PEX14: variants seen among roughly 807,000 people sequenced by gnomAD.
PEX14 encodes peroxisomal membrane protein PEX14.
A neutral mutation model predicts 49.5 loss-of-function variants in PEX14; 15 were observed. The ratio of observed to expected loss-of-function variants is 0.30; its 90% confidence interval spans 0.20 to 0.47. The LOEUF (loss-of-function observed/expected upper bound fraction) is 0.47. PEX14 is among the 20% of genes least tolerant of loss of function. PEX14 has a pLI of 1.00. For missense variants in PEX14, 398 were observed against 494.8 expected (o/e 0.80, Z 1.86); for synonymous variants, 210 against 212.7 (o/e 0.99, Z 0.11).
chr1:10,547,171 C>T (rs2480774), intron 3 of PEX14, among the ~76,000 whole-genome samples: 147,012 of 152,278 alleles, frequency 0.97, 71,176 homozygotes, highest in East Asian at 1. Context: ...CGACAGGACA[C>T]TGGAATGTGG....
intron 5 of PEX14, among the ~76,000 whole-genome samples, chr1:10,620,405 T>A (rs1018051176): frequency 6.6e-6 from 1 of 152,072 alleles, no homozygotes; most frequent in Non-Finnish European, 1.5e-5. Context: ...GGAGGATCAC[T>A]TGGGCTCGGG....
In PEX14 at chr1:10,529,009, G is replaced by A. The variant is rs1638569764; in HGVS notation, c.85-7204G>A. Among the ~76,000 whole-genome samples the A allele has an allele frequency of 6.6e-6, 1 of 152,172 alleles. No individual in the cohort carries two copies. Among genetic ancestry groups the A allele is most frequent in the Non-Finnish European group, 1.5e-5 (1 of 68,028 alleles). On this transcript the variant is annotated intron_variant, in intron 2 of 8. Transcript: ENST00000356607. The surrounding 1 kb of genome is among the most constrained non-coding windows in gnomAD (Gnocchi z 4.2). ...AATTTGCTGCCAGTTGCATTTCAAAGGCAGGGAAAAGGCAAATGTCATCCT... is the reference window on the plus strand; with the variant it reads ...AATTTGCTGCCAGTTGCATTTCAAAAGCAGGGAAAAGGCAAATGTCATCCT...
Position 10,623,044 on chromosome 1 carries a change from G to A in PEX14, c.410G>A (p.Gly137Asp). The change falls in exon 6 of 9, where the codon GGC becomes GAC. Residue 137 changes from glycine (G) to aspartate (D), a missense_variant. Gly to Asp is a moderately conservative substitution (Grantham distance 94, BLOSUM62 -1). Transcript: ENST00000356607. The surrounding 1 kb of genome is among the most constrained non-coding windows in gnomAD (Gnocchi z 4.4). ...AAATACCTGCTCCCCCTCATCCTGG[G>A]CGGCCGAGAGGACAGAAAGCAGCTG... Reference protein sequence around the residue: ...YKKYLLPLILGGREDRKQLER... With the variant: ...YKKYLLPLILDGREDRKQLER... The A allele has an allele frequency of 6.2e-7, 1 of 1,613,806 alleles. No individual in the cohort carries two copies. Among genetic ancestry groups the A allele is most frequent in the Non-Finnish European group, 8.5e-7 (1 of 1,179,892 alleles).
intron 3 of PEX14, among the ~76,000 whole-genome samples, chr1:10,583,287 A>C (rs1488268249): frequency 6.7e-6 from 1 of 149,774 alleles, no homozygotes; most frequent in African/African-American, 2.5e-5. Flanking sequence ...TGGTGCAGTC[A>C]TGGCTCACTG....
chr1:10,488,762 CA>C (rs889531837), intron 1 of PEX14, among the ~76,000 whole-genome samples: 3 of 152,102 alleles, frequency 2.0e-5, no homozygotes, highest in Non-Finnish European at 4.4e-5. Context: ...CTCGGCCTCC[CA>C]AAGTGCTGGG....
chr1:10,522,041 C>T (rs1248603366), intron 2 of PEX14, among the ~76,000 whole-genome samples: 2 of 152,156 alleles, frequency 1.3e-5, no homozygotes, highest in Non-Finnish European at 2.9e-5. Context: ...TCTGGAATGA[C>T]GTGTTCATGA....
At chr1:10,509,055 G>A (rs111498172) in intron 2 of PEX14, among the ~76,000 whole-genome samples, 1,856 of 152,170 alleles carry the variant, frequency 0.012, 35 homozygotes, top group African/African-American at 0.042. Flanking sequence ...TCCTGCCTCA[G>A]CCTCCCGAGT....
At chr1:10,532,388 G>T (rs1482567304) in intron 2 of PEX14, among the ~76,000 whole-genome samples, 1 of 152,110 alleles carries the variant, frequency 6.6e-6, no homozygotes, top group Non-Finnish European at 1.5e-5. Flanking sequence ...ACAGAAGGTA[G>T]GGTCAGAGGG....
chr1:10,571,603 G>A (rs373491417), intron 3 of PEX14, among the ~76,000 whole-genome samples: 1 of 152,128 alleles, frequency 6.6e-6, no homozygotes, highest in Non-Finnish European at 1.5e-5. Context: ...GAGCTTAGGA[G>A]TTCGAGACCA....
chr1:10,620,517 G>A (rs963358376), intron 5 of PEX14, among the ~76,000 whole-genome samples: 2 of 152,066 alleles, frequency 1.3e-5, no homozygotes, highest in African/African-American at 2.4e-5. Flanking sequence ...GCCAGGCGCA[G>A]TGGCTCATGC....
At chr1:10,582,701 GGT>G (rs1640356867) in intron 3 of PEX14, among the ~76,000 whole-genome samples, 1 of 152,080 alleles carries the variant, frequency 6.6e-6, no homozygotes, top group African/African-American at 2.4e-5. Context: ...TTTAGTACAG[GGT>G]GAATATATGG....
intron 1 of PEX14, among the ~76,000 whole-genome samples, chr1:10,478,834 C>T (rs1289643492): frequency 6.6e-6 from 1 of 151,914 alleles, no homozygotes; most frequent in Non-Finnish European, 1.5e-5. Flanking sequence ...CAAGCTCCGC[C>T]TCTCGGGTTC....
chr1:10,569,988 T>C (rs1386664185), intron 3 of PEX14, among the ~76,000 whole-genome samples: 1 of 152,212 alleles, frequency 6.6e-6, no homozygotes, highest in Non-Finnish European at 1.5e-5. Flanking sequence ...CTTTGTGTTG[T>C]ATATTGTTTT....
intron 2 of PEX14, among the ~76,000 whole-genome samples, chr1:10,499,445 ATTTTTTT>A: frequency 9.9e-6 from 1 of 101,404 alleles, no homozygotes; most frequent in African/African-American, 3.4e-5. Flanking sequence ...CCAAAGAACA[ATTTTTTT>A]TTTTTTTTTT....
Position 10,529,810 on chromosome 1 carries a change from G to A in PEX14, c.85-6403G>A, listed in dbSNP as rs561950379. Among the ~76,000 whole-genome samples the A allele has an allele frequency of 2.0e-5, 3 of 152,312 alleles. No homozygotes were observed. The highest frequency in any genetic ancestry group is 3.9e-4 in the East Asian group (2 of 5,192). ...ACCAGCGGAATTTTATTTCTTTAAT[G>A]TGAAAAACAAAAGGACAGAGGAAAG... On this transcript the variant is annotated intron_variant, in intron 2 of 8. Coordinates refer to ENST00000356607, the MANE Select transcript of PEX14 (RefSeq NM_004565.3). This position sits in a 1 kb window ranked among gnomAD's most constrained non-coding sequence, Gnocchi z 4.2.
intron 3 of PEX14, among the ~76,000 whole-genome samples, chr1:10,598,363 A>G (rs1640885990): frequency 6.6e-6 from 1 of 152,232 alleles, no homozygotes. Flanking sequence ...CCTCCTCCCA[A>G]GAGTCAGTGT....
intron 3 of PEX14, among the ~76,000 whole-genome samples, chr1:10,564,419 G>C (rs1370199123): frequency 6.8e-6 from 1 of 147,864 alleles, no homozygotes; most frequent in Non-Finnish European, 1.5e-5. Context: ...CAATTACCTT[G>C]TTTGCATTTG....
In PEX14 at chr1:10,630,193, G is replaced by A. The variant is rs1337322083; in HGVS notation, c.*206G>A. ...TCCTCTCGCCTGGCCGCCAGCCCCA[G>A]CCCCAGCCCCAGCCCCAGGCCCAGC... On this transcript the variant is annotated 3_prime_UTR_variant, in exon 9 of 9. Coordinates refer to ENST00000356607, the MANE Select transcript of PEX14 (RefSeq NM_004565.3). The surrounding 1 kb of genome is among the most constrained non-coding windows in gnomAD (Gnocchi z 4.1). The A allele has an allele frequency of 1.8e-5, 13 of 714,782 alleles. No homozygotes were observed. The Admixed American group carries it at 3.2e-4, about 18-fold the overall frequency. 44.3% of individuals were successfully genotyped at this position (714,782 alleles called of 1,614,324 possible).
At chr1:10,525,745 CT>C (rs1638453884) in intron 2 of PEX14, among the ~76,000 whole-genome samples, 1 of 152,106 alleles carries the variant, frequency 6.6e-6, no homozygotes, top group Non-Finnish European at 1.5e-5. Context: ...CTCATTTCAG[CT>C]TCCCGAGTAG....
Sources: gnomAD v4.1 joint callset for allele counts (sites outside exome capture counted in the v4.1 genomes callset) on GRCh38, gnomAD v4.1.1 for gene constraint, Gnocchi (gnomAD v3.1) non-coding constraint, MANE v1.5 for transcripts, NCBI Gene and HGNC (gene_info 2026-07-23, HGNC 2026-07-21) for gene names.